Variants in RNF111 observed in about 807,000 individuals in gnomAD.
RNF111 encodes the protein ring finger protein 111.
Under a neutral mutation model 95.1 loss-of-function variants are expected in RNF111, and 17 were observed. The ratio of observed to expected loss-of-function variants is 0.18; its 90% CI spans 0.12 to 0.27. The LOEUF is 0.27. Among genes scored for constraint, RNF111 ranks in the 10% least tolerant of loss-of-function variants. The probability of loss-of-function intolerance (pLI) is 1.00; values close to 1 mark genes in which losing one functional copy is unlikely to be tolerated. For missense variants in RNF111, 1,189 were observed against 1,210.4 expected, an observed-to-expected ratio of 0.98 and a Z score of 0.26; for synonymous variants, 440 against 414.8, an observed-to-expected ratio of 1.06 and a Z score of -0.74.
chr15:59,078,483 G>A (rs556076288), intron 7 of RNF111, among the ~76,000 whole-genome samples: 2 of 149,274 alleles, frequency 1.3e-5, no homozygotes, highest in Non-Finnish European at 3.0e-5. Flanking sequence ...CAAGGTTGTA[G>A]TGTGCTGTTA....
intron 3 of RNF111, among the ~76,000 whole-genome samples, chr15:59,054,694 GT>G (rs2042133471): frequency 6.6e-6 from 1 of 151,974 alleles, no homozygotes; most frequent in African/African-American, 2.4e-5. Flanking sequence ...TTCTATAATC[GT>G]TGAAGTTCAA....
Position 59,095,044 on chromosome 15 carries a change from T to G in RNF111, c.*144T>G, listed in dbSNP as rs767778166. 7 of 694,924 alleles carry G rather than the reference T, an allele frequency of 1.0e-5. No individual in the cohort carries two copies. In the Middle Eastern group the frequency reaches 1.8e-3, roughly 180 times the overall value. 43.0% of individuals were successfully genotyped at this position (694,924 alleles called of 1,614,324 possible). ...CTCTGCTATATGGTACAACTAATGCTAGACCTACAGTTTATGTATACAGTT... is the reference window on the plus strand; with the variant it reads ...CTCTGCTATATGGTACAACTAATGCGAGACCTACAGTTTATGTATACAGTT... On this transcript the variant is annotated 3_prime_UTR_variant, in exon 14 of 14. Coordinates refer to ENST00000348370, the MANE Select transcript of RNF111 (RefSeq NM_017610.8).
At chr15:59,077,439 G>C (rs1350337370) in intron 7 of RNF111, among the ~76,000 whole-genome samples, 1 of 152,052 alleles carries the variant, frequency 6.6e-6, no homozygotes, top group Non-Finnish European at 1.5e-5. Context: ...ATATATCAGA[G>C]GTAGTAACTG....
chr15:59,037,471 A>G (rs1302291460), intron 2 of RNF111, among the ~76,000 whole-genome samples: 1 of 152,226 alleles, frequency 6.6e-6, no homozygotes, highest in Non-Finnish European at 1.5e-5. Flanking sequence ...TTGACATTTA[A>G]TAACACAAAA....
chr15:59,039,568 A>G (rs1458900148), intron 2 of RNF111, among the ~76,000 whole-genome samples: 3 of 152,140 alleles, frequency 2.0e-5, no homozygotes, highest in African/African-American at 7.2e-5. Context: ...ATCTTTGGCC[A>G]TTGGGAACAT....
chr15:59,071,537 A>C (rs959216041), intron 6 of RNF111, among the ~76,000 whole-genome samples: 3 of 151,934 alleles, frequency 2.0e-5, no homozygotes, highest in Non-Finnish European at 1.5e-5. Flanking sequence ...AAACAAAAAA[A>C]CAAAAATTAG....
At chr15:59,068,451 C>A (rs1333104626) in intron 6 of RNF111, among the ~76,000 whole-genome samples, 1 of 151,270 alleles carries the variant, frequency 6.6e-6, no homozygotes. Context: ...TACTAAAATA[C>A]AAAAATTAGC....
chr15:59,080,744 T>C (rs1232923480), intron 7 of RNF111, among the ~76,000 whole-genome samples, 192 bp from the exon 8 acceptor site: 1 of 152,178 alleles, frequency 6.6e-6, no homozygotes, highest in East Asian at 1.9e-4. Flanking sequence ...ATATATATAT[T>C]GACATAAGAT....
In RNF111 at chr15:58,990,131, A is replaced by C. The variant is rs148167029; in HGVS notation, c.-20+2063A>C. Among the ~76,000 whole-genome samples the C allele has an allele frequency of 2.7e-3, 413 of 152,310 alleles. 3 individuals are homozygous for C. Among genetic ancestry groups the C allele is most frequent in the African/African-American group, 9.3e-3 (387 of 41,568 alleles). Reference sequence around the variant, plus strand: ...GATTTTAGATCTATCTTTGCTTGCTATACATTAGATCTCCGAGTTTATTGT... The same window carrying C: ...GATTTTAGATCTATCTTTGCTTGCTCTACATTAGATCTCCGAGTTTATTGT... On this transcript the variant is annotated intron_variant, in intron 1 of 13. Coordinates refer to ENST00000348370, the MANE Select transcript of RNF111 (RefSeq NM_017610.8).
chr15:59,025,077 A>T (rs1188999281), intron 1 of RNF111, among the ~76,000 whole-genome samples: 1 of 152,194 alleles, frequency 6.6e-6, no homozygotes, highest in African/African-American at 2.4e-5. Flanking sequence ...TTCAGTGGAC[A>T]CTTGAGATGC....
At chr15:58,995,857 T>G (rs145784016) in intron 1 of RNF111, among the ~76,000 whole-genome samples, 39 of 151,718 alleles carry the variant, frequency 2.6e-4, no homozygotes, top group Non-Finnish European at 4.7e-4. Flanking sequence ...TTTGTCAGTC[T>G]TGGAATGAGC....
intron 7 of RNF111, among the ~76,000 whole-genome samples, chr15:59,078,795 A>G (rs2078648076): frequency 6.6e-6 from 1 of 150,934 alleles, no homozygotes. Flanking sequence ...GGAGATGGAG[A>G]TTGCAGTGAG....
At chr15:59,068,499 G>A (rs1262188914) in intron 6 of RNF111, among the ~76,000 whole-genome samples, 3 of 149,976 alleles carry the variant, frequency 2.0e-5, no homozygotes, top group African/African-American at 4.9e-5. Context: ...CCAGCTACTC[G>A]GGAGGCTGAG....
chr15:59,087,621 A>G (rs1275063192), intron 10 of RNF111, among the ~76,000 whole-genome samples: 1 of 152,230 alleles, frequency 6.6e-6, no homozygotes, highest in Non-Finnish European at 1.5e-5. Context: ...AAGGGAAAAT[A>G]CATTTACTAT....
At chr15:59,003,792 A>G (rs1451472118) in intron 1 of RNF111, among the ~76,000 whole-genome samples, 1 of 152,138 alleles carries the variant, frequency 6.6e-6, no homozygotes, top group East Asian at 1.9e-4. Context: ...AAGACTTTCT[A>G]TGTCCTGTTC....
chr15:59,046,584 G>C (rs2041720685), intron 2 of RNF111, among the ~76,000 whole-genome samples: 1 of 152,178 alleles, frequency 6.6e-6, no homozygotes, highest in Non-Finnish European at 1.5e-5. Flanking sequence ...TAACAAAGTA[G>C]ATCATAGACC....
At chr15:59,046,941 C>T (rs1441442761) in intron 2 of RNF111, among the ~76,000 whole-genome samples, 1 of 152,074 alleles carries the variant, frequency 6.6e-6, no homozygotes, top group Non-Finnish European at 1.5e-5. Flanking sequence ...AGTCTCGGCT[C>T]ACTGCAGACT....
intron 1 of RNF111, among the ~76,000 whole-genome samples, chr15:59,006,083 C>G (rs1242425810): frequency 6.6e-6 from 1 of 152,250 alleles, no homozygotes; most frequent in East Asian, 1.9e-4. Context: ...TGGTCATTGT[C>G]AAGAGAAGGA....
At chr15:59,028,057 CCTCAGGTGAT>C (rs1456129891) in intron 1 of RNF111, among the ~76,000 whole-genome samples, 1 of 152,148 alleles carries the variant, frequency 6.6e-6, no homozygotes, top group Non-Finnish European at 1.5e-5. Flanking sequence ...GAACTCCTGA[CCTCAGGTGAT>C]CTGCCCGCCT....
Sources: gnomAD v4.1 joint callset for allele counts (sites outside exome capture counted in the v4.1 genomes callset) on GRCh38, gnomAD v4.1.1 for gene constraint, MANE v1.5 for transcripts, NCBI Gene and HGNC (gene_info 2026-07-23, HGNC 2026-07-21) for gene names.